The following PPIP5K2 variants were observed in gnomAD, a reference collection of about 807,000 sequenced individuals.
PPIP5K2 encodes the protein diphosphoinositol pentakisphosphate kinase 2, also known as inositol hexakisphosphate and diphosphoinositol-pentakisphosphate kinase 2.
In PPIP5K2, 105 loss-of-function variants were observed where a neutral mutation model predicts 154.6. The ratio of observed to expected loss-of-function variants is 0.68; its 90% CI spans 0.58 to 0.80. The LOEUF (loss-of-function observed/expected upper bound fraction) is 0.80, where lower values mean the gene tolerates loss of function less well. Ranked by LOEUF, PPIP5K2 falls within the 30% of genes least tolerant of loss-of-function variation. The probability of loss-of-function intolerance (pLI) is 0.00; values close to 1 mark genes in which losing one functional copy is unlikely to be tolerated. For missense variants in PPIP5K2, 992 were observed against 1,504.6 expected (o/e 0.66, Z 5.64); for synonymous variants, 480 against 490.3 (o/e 0.98, Z 0.28).
At chr5:103,149,987 A>G (rs35688675) in intron 8 of PPIP5K2, among the ~76,000 whole-genome samples, 7,067 of 151,858 alleles carry the variant, frequency 0.047, 216 homozygotes, top group Admixed American at 0.083. Context: ...GAGCCACTGC[A>G]CCCGGCCAAA....
intron 5 of PPIP5K2, among the ~76,000 whole-genome samples, chr5:103,142,230 T>C (rs1673402899): frequency 1.3e-5 from 2 of 152,174 alleles, no homozygotes; most frequent in African/African-American, 2.4e-5. Flanking sequence ...GCCGGTGGGC[T>C]GGCACTGCCG....
At chr5:103,146,443 T>G in intron 5 of PPIP5K2, 84 bp from the exon 6 acceptor site, 1 of 1,379,470 alleles carries the variant, frequency 7.2e-7, no homozygotes, top group Non-Finnish European at 9.7e-7. Context: ...GGTCTTTTAG[T>G]GAAAAAGTCC....
At chr5:103,132,106 T>C (rs1554202826) in intron 2 of PPIP5K2, among the ~76,000 whole-genome samples, 1 of 152,168 alleles carries the variant, frequency 6.6e-6, no homozygotes, top group African/African-American at 2.4e-5. Flanking sequence ...AAAGTGGATG[T>C]TCAGAGGGAT....
chr5:103,164,269 C>T (rs1554217050), intron 17 of PPIP5K2, among the ~76,000 whole-genome samples: 4 of 151,724 alleles, frequency 2.6e-5, no homozygotes, highest in Non-Finnish European at 5.9e-5. Flanking sequence ...ATCAGTTTCA[C>T]CATGGTTGAT....
chr5:103,121,697 A>G (rs1554199108), intron 1 of PPIP5K2, among the ~76,000 whole-genome samples: 1 of 152,254 alleles, frequency 6.6e-6, no homozygotes, highest in Non-Finnish European at 1.5e-5. Flanking sequence ...TACTTACTGC[A>G]GCACAGGTTT....
chr5:103,131,966 A>T (rs1305283825), intron 2 of PPIP5K2, among the ~76,000 whole-genome samples: 1 of 152,172 alleles, frequency 6.6e-6, no homozygotes, highest in African/African-American at 2.4e-5. Context: ...ATTAGCATTT[A>T]AAAAAATTGT....
At chr5:103,191,661 C>T (rs954323689) in intron 29 of PPIP5K2, among the ~76,000 whole-genome samples, 2 of 152,054 alleles carry the variant, frequency 1.3e-5, no homozygotes, top group Non-Finnish European at 2.9e-5. Context: ...TTTATGGTAA[C>T]ACATTAAATA....
intron 17 of PPIP5K2, among the ~76,000 whole-genome samples, chr5:103,161,149 C>T (rs868973495): frequency 6.6e-6 from 1 of 150,542 alleles, no homozygotes; most frequent in Middle Eastern, 3.2e-3. Context: ...ATGATGTTCC[C>T]CTTCCTGTGT....
intron 5 of PPIP5K2, among the ~76,000 whole-genome samples, chr5:103,140,750 T>C (rs923250364): frequency 2.1e-5 from 3 of 144,010 alleles, no homozygotes; most frequent in Middle Eastern, 3.9e-3. Flanking sequence ...GGCAGGAGAA[T>C]GGCGTGAACC....
Position 103,146,538 on chromosome 5 carries a change from A to G in PPIP5K2, c.499A>G (p.Ile167Val). 1 of 1,610,686 alleles carries G rather than the reference A, an allele frequency of 6.2e-7. No individual in the cohort carries two copies. Among genetic ancestry groups the G allele is most frequent in the Non-Finnish European group, 8.5e-7 (1 of 1,178,716 alleles). Residue 167 changes from isoleucine (I) to valine (V), a missense_variant, in exon 6 of 31, where the codon ATT (isoleucine) becomes GTT (valine). This residue lies in a region of PPIP5K2 where 51 missense variants were observed against 152.2 expected (regional missense o/e 0.33). Transcript: ENST00000358359. ...DPNNPKECNL[I>V]EGEDHVEVNG... is the part of the protein sequence containing the mutation. ...TGTTTGTTTTATAGAATGTAATCTG[A>G]TTGAAGGGGAAGATCATGTAGAAGT...
Position 103,201,923 on chromosome 5 carries a change from A to G in PPIP5K2, c.*289A>G, listed in dbSNP as rs879949528. On this transcript the variant is annotated 3_prime_UTR_variant, in exon 31 of 31. Transcript: ENST00000358359. ...ATAAAAGCCCAGCAGGCTCGTACCA[A>G]AGTCACAGCAGTAATGCTATGTACT... is the stretch of plus-strand genomic sequence containing the variant. 2.7e-5 allele frequency: 8 copies of G among 300,948 alleles called. No homozygotes were observed. Among genetic ancestry groups the G allele is most frequent in the Admixed American group, 5.2e-5 (1 of 19,118 alleles). The allele number at this position is 300,948 out of a possible 1,614,324, so 18.6% of individuals were successfully genotyped here. A position where few individuals can be genotyped will look rare whatever the true frequency, so the allele number is the denominator to read the frequency against.
rs1354729736 is a variant in PPIP5K2 at position 103,203,838 on chromosome 5, T to C, written c.*2204T>C. 6.6e-6 allele frequency: 1 copy of C among 152,200 alleles called. No individual in the cohort carries two copies. The highest frequency in any genetic ancestry group is 2.1e-4 in the South Asian group (1 of 4,832). The allele number at this position is 152,200 out of a possible 1,614,324, so 9.4% of individuals were successfully genotyped here. A position where few individuals can be genotyped will look rare whatever the true frequency, so the allele number is the denominator to read the frequency against. ...GCTGCCCTGGTTTAAATGAGTTACG[T>C]AGTCCATTCTCAAATACTAGCAAAT... On this transcript the variant is annotated 3_prime_UTR_variant, in exon 31 of 31. Coordinates refer to ENST00000358359, the MANE Select transcript of PPIP5K2 (RefSeq NM_001276277.3).
chr5:103,160,887 A>G (rs1184899438), intron 17 of PPIP5K2, among the ~76,000 whole-genome samples: 1 of 150,580 alleles, frequency 6.6e-6, no homozygotes, highest in Non-Finnish European at 1.5e-5. Context: ...TATTGTGACC[A>G]TGGTATACTT....
At chr5:103,133,376 T>C (rs945996481) in intron 2 of PPIP5K2, 77 bp from the exon 3 acceptor site, 43 of 1,263,588 alleles carry the variant, frequency 3.4e-5, no homozygotes, top group Non-Finnish European at 4.2e-5. Context: ...TATCTACTTT[T>C]GGAAAACAAA....
chr5:103,154,853 G>T lies in PPIP5K2; in HGVS notation c.1313G>T (p.Arg438Leu). The T allele has an allele frequency of 6.3e-7, 1 of 1,595,574 alleles. No homozygotes were observed. The highest frequency in any genetic ancestry group is 1.2e-5 in the South Asian group (1 of 86,888). Reference sequence around the variant, plus strand: ...TTATAGGAAGTGCTAGATATTGCACGACAGCTTCTTATGGAGCTAGGGCAA... The same window carrying T: ...TTATAGGAAGTGCTAGATATTGCACTACAGCTTCTTATGGAGCTAGGGCAA... ...KQLQEVLDIA[R>L]QLLMELGQNN... Residue 438 changes from arginine (R) to leucine (L), a missense_variant, in exon 13 of 31, where the codon CGA becomes CTA. Transcript: ENST00000358359.
chr5:103,175,358 A>G (rs1401406820), intron 21 of PPIP5K2, among the ~76,000 whole-genome samples: 2 of 152,132 alleles, frequency 1.3e-5, no homozygotes, highest in East Asian at 3.9e-4. Flanking sequence ...TAGAAAAGTG[A>G]CATCCTTACA....
chr5:103,194,823 A>T lies in PPIP5K2; in HGVS notation c.3494-77A>T. On this transcript the variant is annotated intron_variant, in intron 29 of 30. Transcript: ENST00000358359. ...TGAATATTCGTAGGGTCACTAAATT[A>T]TAAGAAACTTTCTATGATGTTAAGA... is the stretch of plus-strand genomic sequence containing the variant. 2.0e-6 allele frequency: 3 copies of T among 1,479,870 alleles called. No individual in the cohort carries two copies. In the South Asian group the frequency reaches 4.0e-5, roughly 20 times the overall value. 91.7% of individuals were successfully genotyped at this position (1,479,870 alleles called of 1,614,324 possible).
intron 17 of PPIP5K2, among the ~76,000 whole-genome samples, chr5:103,159,720 G>A (rs534320311): frequency 6.6e-6 from 1 of 152,166 alleles, no homozygotes; most frequent in South Asian, 2.1e-4. Context: ...TATGCATTGT[G>A]AAATGGCTAA....
At chr5:103,162,678 T>C (rs1209242797) in intron 17 of PPIP5K2, among the ~76,000 whole-genome samples, 2 of 152,170 alleles carry the variant, frequency 1.3e-5, no homozygotes, top group Non-Finnish European at 2.9e-5. Flanking sequence ...TATCTTTTGA[T>C]AAGCAAAAGT....
Sources: gnomAD v4.1 joint callset for allele counts (sites outside exome capture counted in the v4.1 genomes callset) on GRCh38, gnomAD v4.1.1 for gene constraint, gnomAD v4.1.1 regional missense constraint, MANE v1.5 for transcripts, NCBI Gene and HGNC (gene_info 2026-07-23, HGNC 2026-07-21) for gene names.